The following C6 variants were observed in gnomAD, a reference collection of about 807,000 sequenced individuals.
C6 encodes complement component C6.
Under a neutral mutation model 112.9 loss-of-function variants are expected in C6, and 101 were observed. That is an observed-to-expected ratio of 0.89 (90% CI 0.76 to 1.06). The LOEUF is 1.06. Among genes scored for constraint, C6 ranks in the 50% least tolerant of loss-of-function variants. The probability of loss-of-function intolerance (pLI) is 0.00; values close to 1 mark genes in which losing one functional copy is unlikely to be tolerated. For synonymous variants in C6, 431 were observed against 384.1 expected (o/e 1.12, Z -1.43); for missense variants, 1,202 against 1,104.6 (o/e 1.09, Z -1.25).
At chr5:41,205,029 T>C (rs1027005999) in intron 1 of C6, among the ~76,000 whole-genome samples, 39 of 152,192 alleles carry the variant, frequency 2.6e-4, no homozygotes, top group African/African-American at 9.2e-4. Context: ...TGGCTGAATA[T>C]GTCTTTCAAT....
chr5:41,190,296 T>G (rs1750097506), intron 5 of C6, among the ~76,000 whole-genome samples: 1 of 152,206 alleles, frequency 6.6e-6, no homozygotes, highest in African/African-American at 2.4e-5. Flanking sequence ...TTTTTGATAA[T>G]AGTCATTTCA....
chr5:41,221,212 A>G (rs1739147113), intron 1 of C6, among the ~76,000 whole-genome samples: 1 of 152,026 alleles, frequency 6.6e-6, no homozygotes, highest in African/African-American at 2.4e-5. Flanking sequence ...ATGTAATTAC[A>G]TTTATCCTGA....
intron 1 of C6, among the ~76,000 whole-genome samples, chr5:41,226,595 T>C (rs1739518383): frequency 6.6e-6 from 1 of 152,108 alleles, no homozygotes; most frequent in South Asian, 2.1e-4. Flanking sequence ...ATGAACAACA[T>C]CTCCCCCATT....
chr5:41,260,451 C>CT (rs1468727216), intron 1 of C6, among the ~76,000 whole-genome samples: 2 of 147,816 alleles, frequency 1.4e-5, no homozygotes, highest in Non-Finnish European at 1.5e-5. Context: ...CAAATAAACC[C>CT]CCCCCCAAAA....
At chr5:41,143,031 T>G in intron 17 of C6, 25 bp from the exon 18 acceptor site, 1 of 1,601,414 alleles carries the variant, frequency 6.2e-7, no homozygotes, top group Non-Finnish European at 8.6e-7. Flanking sequence ...AGAGAGACAG[T>G]GTGACTTACC....
chr5:41,175,230 G>C (rs148430763), intron 8 of C6, among the ~76,000 whole-genome samples: 1 of 152,224 alleles, frequency 6.6e-6, no homozygotes. Context: ...CAACCCTGGC[G>C]ATCAAAGAAG....
At chr5:41,246,580 T>C (rs929961004) in intron 1 of C6, among the ~76,000 whole-genome samples, 3 of 152,208 alleles carry the variant, frequency 2.0e-5, no homozygotes, top group African/African-American at 7.2e-5. Context: ...GGTGACTCAT[T>C]GGGCCAGGGT....
chr5:41,215,920 A>G (rs1445482653), upstream of C6, among the ~76,000 whole-genome samples: 1 of 152,142 alleles, frequency 6.6e-6, no homozygotes. Context: ...ACTTATCATT[A>G]TAGCAAAAGT....
At chr5:41,245,336 C>A (rs936120165) in intron 1 of C6, among the ~76,000 whole-genome samples, 3 of 152,120 alleles carry the variant, frequency 2.0e-5, no homozygotes, top group Non-Finnish European at 1.5e-5. Context: ...TAGTGACTAG[C>A]CTGACTAACA....
At chr5:41,188,276 A>G (rs1314092736) in intron 5 of C6, among the ~76,000 whole-genome samples, 1 of 152,128 alleles carries the variant, frequency 6.6e-6, no homozygotes, top group Non-Finnish European at 1.5e-5. Flanking sequence ...AAAATTCACA[A>G]GACAATTCTA....
Position 41,154,973 on chromosome 5 carries a change from T to C in C6, c.2100A>G (p.Gln700=), listed in dbSNP as rs144669649. 3 of 1,613,768 alleles carry C rather than the reference T, an allele frequency of 1.9e-6. No individual in the cohort carries two copies. The highest frequency in any genetic ancestry group is 2.2e-5 in the East Asian group (1 of 44,862). The change falls in exon 14 of 18, where the codon CAA becomes CAG. Residue 700 remains glutamine (Q), a splice_region_variant and synonymous_variant. Transcript: ENST00000337836. ...CAAAATTGTTTGCCCAGTTCTCACG[T>C]TGGCATTCCACATCCCCTTGTCTCC... ...GTWRQGDVEC[Q]RTECIKPVVQ... is the part of the protein sequence containing the mutation.
intron 1 of C6, among the ~76,000 whole-genome samples, chr5:41,211,082 T>C (rs891505282): frequency 6.6e-6 from 1 of 152,210 alleles, no homozygotes; most frequent in Non-Finnish European, 1.5e-5. Context: ...TTCATATCCT[T>C]TGTAGGGACA....
At chr5:41,223,750 A>G (rs1739316618) in intron 1 of C6, among the ~76,000 whole-genome samples, 1 of 152,206 alleles carries the variant, frequency 6.6e-6, no homozygotes, top group Non-Finnish European at 1.5e-5. Context: ...AAAAGCTGGC[A>G]ACAGAAACCG....
chr5:41,227,968 A>G lies in C6; in HGVS notation c.-20-24718T>C, dbSNP rs77670387. Among the ~76,000 whole-genome samples the G allele has an allele frequency of 2.1e-3, 322 of 152,244 alleles. 3 individuals carry two copies. The highest frequency in any genetic ancestry group is 7.4e-3 in the African/African-American group (309 of 41,566). ...CTATTTGAGGCATTTTTGGTTCCTT[A>G]CAAGTTTTAGGATTTGTTTTTCTGT... is the stretch of plus-strand genomic sequence containing the variant. On this transcript the variant is annotated intron_variant, in intron 1 of 17. Transcript: ENST00000263413.
intron 1 of C6, among the ~76,000 whole-genome samples, chr5:41,224,026 TCTA>T (rs1360923026): frequency 6.6e-5 from 10 of 152,292 alleles, no homozygotes; most frequent in East Asian, 5.8e-4. Flanking sequence ...TGTCAACAAA[TCTA>T]CTATAATTTT....
At chr5:41,147,825 C>T (rs1745980394) in intron 17 of C6, among the ~76,000 whole-genome samples, 3 of 152,108 alleles carry the variant, frequency 2.0e-5, no homozygotes, top group Non-Finnish European at 4.4e-5. Context: ...AGCAAATGTA[C>T]TGCTGTGAAG....
Position 41,186,145 on chromosome 5 carries a change from T to A in C6, c.651A>T (p.Ile217=). ...TCCTACTGCTTTTGACAGTTTTACA[T>A]ATTCCTCCAGTGAAAGAGTTATCAA... ...EVLDNSFTGG[I]CKTVKSSRTS... is the part of the protein sequence containing the mutation. The change falls in exon 6 of 18, where the codon ATA becomes ATT. Residue 217 remains isoleucine, a synonymous_variant. Transcript: ENST00000337836. 1.9e-6 allele frequency: 3 copies of A among 1,613,974 alleles called. No homozygotes were observed. Among genetic ancestry groups the A allele is most frequent in the Non-Finnish European group, 2.5e-6 (3 of 1,179,908 alleles).
chr5:41,229,622 G>A (rs1239816586), intron 1 of C6, among the ~76,000 whole-genome samples: 1 of 152,056 alleles, frequency 6.6e-6, no homozygotes, highest in Non-Finnish European at 1.5e-5. Context: ...GTAACGTTCA[G>A]TGTGTGCTTT....
chr5:41,189,700 A>G (rs977286187), intron 5 of C6, among the ~76,000 whole-genome samples: 2 of 152,114 alleles, frequency 1.3e-5, no homozygotes, highest in African/African-American at 4.8e-5. Context: ...ATGCTATAGA[A>G]CACTAGAACT....
Sources: gnomAD v4.1 joint callset for allele counts (sites outside exome capture counted in the v4.1 genomes callset) on GRCh38, gnomAD v4.1.1 for gene constraint, MANE v1.5 for transcripts, NCBI Gene and HGNC (gene_info 2026-07-23, HGNC 2026-07-21) for gene names.